MAP2: variants seen among roughly 807,000 people sequenced by gnomAD.
MAP2 encodes the protein microtubule associated protein 2, also known as microtubule-associated protein 2.
A neutral mutation model predicts 137.6 loss-of-function variants in MAP2; 14 were observed. The ratio of observed to expected loss-of-function variants is 0.10; its 90% CI spans 0.07 to 0.16. The LOEUF is 0.16. Ranked by LOEUF, MAP2 falls within the 10% of genes least tolerant of loss-of-function variation. MAP2 has a pLI of 1.00. For synonymous variants in MAP2, 786 were observed against 782.3 expected (o/e 1.00, Z -0.08); for missense variants, 2,088 against 2,191.5 (o/e 0.95, Z 0.94).
chr2:209,567,342 A>G (rs182504184), intron 2 of MAP2, among the ~76,000 whole-genome samples: 1 of 152,284 alleles, frequency 6.6e-6, no homozygotes, highest in East Asian at 1.9e-4. Context: ...TGATTCCGTA[A>G]CTATTTTCCT....
At chr2:209,659,989 G>A (rs541989510) in intron 5 of MAP2, among the ~76,000 whole-genome samples, 10 of 152,210 alleles carry the variant, frequency 6.6e-5, no homozygotes, top group Non-Finnish European at 1.5e-4. Context: ...AGCGAGCCGA[G>A]ATGGCGCCAC....
chr2:209,528,927 T>C (rs1306891635), intron 2 of MAP2, among the ~76,000 whole-genome samples: 2 of 151,566 alleles, frequency 1.3e-5, no homozygotes, highest in Non-Finnish European at 2.9e-5. Context: ...CACATACATA[T>C]ATATACATAC....
chr2:209,509,450 C>G (rs1389319812), intron 2 of MAP2, among the ~76,000 whole-genome samples: 1 of 151,918 alleles, frequency 6.6e-6, no homozygotes, highest in Non-Finnish European at 1.5e-5. Context: ...ATTACCAGGT[C>G]TTCCCACTTG....
At chr2:209,489,701 AG>A (rs1405918565) in intron 1 of MAP2, among the ~76,000 whole-genome samples, 1 of 152,186 alleles carries the variant, frequency 6.6e-6, no homozygotes, top group East Asian at 1.9e-4. Flanking sequence ...CAGAGATTGA[AG>A]ATCAATTTAA....
At chr2:209,433,444 T>C (rs1238435232) in intron 1 of MAP2, among the ~76,000 whole-genome samples, 1 of 152,072 alleles carries the variant, frequency 6.6e-6, no homozygotes, top group Non-Finnish European at 1.5e-5. Flanking sequence ...TAGAGGATAC[T>C]GGGACACTTA....
intron 5 of MAP2, among the ~76,000 whole-genome samples, chr2:209,674,462 C>T (rs1262730968): frequency 6.6e-6 from 1 of 151,622 alleles, no homozygotes; most frequent in Non-Finnish European, 1.5e-5. Flanking sequence ...GATAAGGCAT[C>T]GAAGCAAAAT....
intron 1 of MAP2, among the ~76,000 whole-genome samples, chr2:209,466,514 T>G (rs1209306589): frequency 6.6e-6 from 1 of 152,164 alleles, no homozygotes. Context: ...AATAAATAGC[T>G]ACATTTATCA....
At chr2:209,435,234 A>G (rs929153911) in intron 1 of MAP2, among the ~76,000 whole-genome samples, 1 of 151,322 alleles carries the variant, frequency 6.6e-6, no homozygotes, top group East Asian at 1.9e-4. Flanking sequence ...ACATAAAACT[A>G]GTATTAAAAA....
chr2:209,485,887 C>T (rs2058318185), intron 1 of MAP2, among the ~76,000 whole-genome samples: 1 of 152,182 alleles, frequency 6.6e-6, no homozygotes, highest in Admixed American at 6.5e-5. Flanking sequence ...TCTGAAAGGG[C>T]AGAAGGTTAG....
At chr2:209,554,383 C>T (rs541420079) in intron 2 of MAP2, among the ~76,000 whole-genome samples, 3 of 152,246 alleles carry the variant, frequency 2.0e-5, no homozygotes, top group Non-Finnish European at 4.4e-5. Context: ...TCTCTTCTAC[C>T]CGAGGGTGTA....
intron 4 of MAP2, among the ~76,000 whole-genome samples, chr2:209,629,849 A>G (rs2092792459): frequency 1.3e-5 from 2 of 152,120 alleles, no homozygotes; most frequent in South Asian, 2.1e-4. Flanking sequence ...CAGCCCTCCT[A>G]CTTAACAGGC....
rs755372614 is a variant in MAP2 at position 209,534,988 on chromosome 2, C to CATTG, written c.-172+27348_-172+27351dup. Among the ~76,000 whole-genome samples, 313 of 152,160 alleles carry CATTG rather than the reference C, an allele frequency of 2.1e-3. 2 individuals are homozygous for CATTG. Among genetic ancestry groups the CATTG allele is most frequent in the Non-Finnish European group, 3.5e-3 (237 of 67,984 alleles). On this transcript the variant is annotated intron_variant, in intron 2 of 15. Coordinates refer to ENST00000682079, the MANE Select transcript of MAP2 (RefSeq NM_001375505.1). ...TTAGTATATTAACAGATATGTGCAC[C>CATTG]ATTGCCACAGTCAATTTTAGAATAT...
intron 10 of MAP2, among the ~76,000 whole-genome samples, chr2:209,699,218 G>GA (rs1402824686): frequency 2.0e-5 from 3 of 152,200 alleles, no homozygotes; most frequent in South Asian, 4.1e-4. Flanking sequence ...CCTAGAATCT[G>GA]AAAAATCTCA....
chr2:209,724,223 T>C (rs1331640751), intron 13 of MAP2, among the ~76,000 whole-genome samples: 1 of 152,174 alleles, frequency 6.6e-6, no homozygotes, highest in Non-Finnish European at 1.5e-5. Context: ...AGTGAAAGGA[T>C]TCAAGTCCAG....
rs763054510 is a variant in MAP2 at position 209,700,335 on chromosome 2, C to A, written c.4581C>A (p.Val1527=). The A allele has an allele frequency of 3.7e-6, 6 of 1,611,020 alleles. No homozygotes were observed. The highest frequency in any genetic ancestry group is 5.1e-6 in the Non-Finnish European group (6 of 1,178,110). ...PSVFKQAKDK[V]SDGVTKSPEK... ...TATTTAAACAGGCAAAGGACAAAGT[C>A]TCTGTGAGTAAAATAAGTTTTTCCT... Residue 1527 remains valine, a synonymous_variant, in exon 11 of 16, where the codon GTC becomes GTA. Transcript: ENST00000682079.
intron 2 of MAP2, among the ~76,000 whole-genome samples, chr2:209,570,476 T>C (rs16843141): frequency 0.02 from 2,990 of 152,032 alleles, 93 homozygotes; most frequent in African/African-American, 0.068. Flanking sequence ...TAAAATAATG[T>C]ACTCAAAAAG....
chr2:209,687,150 A>C (rs983222719), intron 7 of MAP2, among the ~76,000 whole-genome samples: 2 of 151,028 alleles, frequency 1.3e-5, no homozygotes, highest in African/African-American at 2.4e-5. Flanking sequence ...TTGAAATTAA[A>C]AATGACTTTC....
chr2:209,725,601 A>G, intron 13 of MAP2, 108 bp from the exon 14 acceptor site: 2 of 531,820 alleles, frequency 3.8e-6, no homozygotes, highest in Non-Finnish European at 6.5e-6. Flanking sequence ...GTTTCTAGCT[A>G]TGTTGTTGCA....
At position 209,446,840 on chromosome 2, in the gene MAP2, A is replaced by G. The variant is rs143981315; in HGVS notation, c.-222+22564A>G. ...TTAAATAGAGTACCTTTGGCCCTCT[A>G]TTGAGATTTACTTGACTCATCCAAG... On this transcript the variant is annotated intron_variant, in intron 1 of 15. Coordinates refer to ENST00000682079, the MANE Select transcript of MAP2 (RefSeq NM_001375505.1). Among the ~76,000 whole-genome samples, 326 of 152,020 alleles carry G rather than the reference A, an allele frequency of 2.1e-3. 2 individuals are homozygous for G. Among genetic ancestry groups the G allele is most frequent in the Admixed American group, 4.9e-3 (74 of 15,218 alleles).
Sources: allele counts gnomAD v4.1 joint callset (sites outside exome capture counted in the v4.1 genomes callset), GRCh38; gene constraint gnomAD v4.1.1; transcripts MANE v1.5; gene names NCBI Gene and HGNC (gene_info 2026-07-23, HGNC 2026-07-21).